The following SNF8 variants were observed in gnomAD, a reference collection of about 807,000 sequenced individuals.
The protein encoded by SNF8 is SNF8 subunit of ESCRT-II, also known as vacuolar-sorting protein SNF8.
In SNF8, 19 loss-of-function variants were observed where a neutral mutation model predicts 36.8. The ratio of observed to expected loss-of-function variants is 0.52; its 90% CI spans 0.36 to 0.76. The LOEUF is 0.76. SNF8 is among the 30% of genes least tolerant of loss of function. SNF8 has a pLI of 0.00. For missense variants in SNF8, 268 were observed against 322.9 expected, an observed-to-expected ratio of 0.83 and a Z score of 1.30; for synonymous variants, 127 against 127.4, an observed-to-expected ratio of 1.00 and a Z score of 0.02.
chr17:48,933,909 A>G (rs2143797670), intron 5 of SNF8, among the ~76,000 whole-genome samples: 2 of 152,362 alleles, frequency 1.3e-5, no homozygotes, highest in South Asian at 4.1e-4. Context: ...GATGCCCATC[A>G]GGAAATGTGA....
At chr17:48,940,776 CA>C (rs952687089) in intron 3 of SNF8, 147 bp downstream of exon 3, 4 of 955,442 alleles carry the variant, frequency 4.2e-6, no homozygotes, top group Admixed American at 4.7e-5. Context: ...GGCGACAGAG[CA>C]AAACTCCGTC....
intron 3 of SNF8, among the ~76,000 whole-genome samples, chr17:48,940,657 G>T (rs568365739): frequency 7.9e-5 from 12 of 152,188 alleles, no homozygotes; most frequent in Admixed American, 2.0e-4. Context: ...GGACGTGGTC[G>T]CGAGCACCTG....
At chr17:48,941,898 C>G (rs980978387) in intron 2 of SNF8, among the ~76,000 whole-genome samples, 17 of 152,080 alleles carry the variant, frequency 1.1e-4, no homozygotes, top group African/African-American at 4.1e-4. Context: ...ATCATGTGGG[C>G]CAGGCTGGTC....
rs769008499 is a variant in SNF8, at chr17:48,937,071, G to C, written c.298C>G (p.Leu100Val). The C allele has an allele frequency of 3.7e-6, 6 of 1,614,036 alleles. No homozygotes were observed. The Admixed American group carries it at 8.3e-5, about 22-fold the overall frequency. The change falls in exon 4 of 8, where the codon CTA (leucine) becomes GTA (valine). Residue 100 changes from leucine to valine, a missense_variant. Transcript: ENST00000502492. Reference protein sequence around the residue: ...MLGVGDFYYELGVQIIEVCLA... With the variant: ...MLGVGDFYYEVGVQIIEVCLA... ...CACACTTCGATAATTTGGACACCTAGTTCGTAATAGAAGTCCCCCACGCCC... is the reference window on the plus strand; with the variant it reads ...CACACTTCGATAATTTGGACACCTACTTCGTAATAGAAGTCCCCCACGCCC...
At chr17:48,940,615 C>T (rs1285125026) in intron 3 of SNF8, among the ~76,000 whole-genome samples, 1 of 151,948 alleles carries the variant, frequency 6.6e-6, no homozygotes, top group African/African-American at 2.4e-5. Context: ...ATGGTGAAAC[C>T]CCATCTCTAC....
rs567745754 is a variant in SNF8, at chr17:48,933,655, G to C, written c.423-309C>G. 18 of 295,522 alleles carry C rather than the reference G, an allele frequency of 6.1e-5. No individual in the cohort carries two copies. In the South Asian group the frequency reaches 7.0e-4, roughly 11 times the overall value. The allele number at this position is 295,522 out of a possible 1,614,324, so 18.3% of individuals were successfully genotyped here. The stretch of plus-strand genomic sequence containing the variant: ...AGGCTGAGGCAGGAGGATCACTTGA[G>C]CCCAGGAGTTCAAGGCTGCAGTGAG... On this transcript the variant is annotated intron_variant, in intron 5 of 7. Coordinates refer to ENST00000502492, the MANE Select transcript of SNF8 (RefSeq NM_007241.4).
Position 48,930,415 on chromosome 17 carries a change from A to G in SNF8, c.*60T>C. 9.2e-6 allele frequency: 13 copies of G among 1,412,710 alleles called. No homozygotes were observed. The highest frequency in any genetic ancestry group is 1.0e-5 in the Non-Finnish European group (11 of 1,072,122). 87.5% of individuals were successfully genotyped at this position (1,412,710 alleles called of 1,614,324 possible). A position where few individuals can be genotyped will look rare whatever the true frequency, so the allele number is the denominator to read the frequency against. On this transcript the variant is annotated 3_prime_UTR_variant, in exon 8 of 8. Coordinates refer to ENST00000502492, the MANE Select transcript of SNF8 (RefSeq NM_007241.4). ...ATTTTTTGTATAAACAAAATTGCCC[A>G]GGTTTATTTGCCACCTCCGCCTCCT...
At chr17:48,939,065 C>T (rs929537363) in intron 3 of SNF8, among the ~76,000 whole-genome samples, 34 of 150,154 alleles carry the variant, frequency 2.3e-4, no homozygotes, top group South Asian at 1.7e-3. Flanking sequence ...AAGACCAACC[C>T]GGCCAAGATG....
At chr17:48,931,955 T>C in intron 6 of SNF8, 1 of 374,644 alleles carries the variant, frequency 2.7e-6, no homozygotes, top group South Asian at 3.9e-5. Context: ...CGGCAGCTCA[T>C]GCCTGTAATC....
intron 3 of SNF8, among the ~76,000 whole-genome samples, chr17:48,939,474 T>TTG (rs2040988620): frequency 1.4e-5 from 2 of 146,292 alleles, no homozygotes; most frequent in Non-Finnish European, 1.5e-5. Flanking sequence ...TTTTTTTTTT[T>TTG]GGGGGGATGG....
chr17:48,930,617 A>AG lies in SNF8; in HGVS notation c.640-6dup, dbSNP rs762136952. 1.9e-6 allele frequency: 3 copies of AG among 1,612,564 alleles called. No homozygotes were observed. In the African/African-American group the frequency reaches 4.0e-5, roughly 21 times the overall value. On this transcript the variant is annotated splice_region_variant and splice_polypyrimidine_tract_variant and intron_variant, in intron 7 of 7. Transcript: ENST00000502492. ...CCCTTCCTTCAGCAGGTGTTCCTGG[A>AG]GGGAAAAGGGAAGAAGAGCAGTTTG... is the stretch of plus-strand genomic sequence containing the variant.
In SNF8 at chr17:48,937,114, T is replaced by A. The variant is rs2040946572; in HGVS notation, c.255A>T (p.Gly85=). The change falls in exon 4 of 8, where the codon GGA becomes GGT. Residue 85 remains glycine (G), a synonymous_variant. Coordinates refer to ENST00000502492, the MANE Select transcript of SNF8 (RefSeq NM_007241.4). ...CCACGCCCAGCATCTCAGACCAAAA[T>A]CCTTTTCCAGCTACAAGACAGAAAA... ...IGVDPLASGK[G]FWSEMLGVGD... 1 of 1,613,494 alleles carries A rather than the reference T, an allele frequency of 6.2e-7. No individual in the cohort carries two copies. The highest frequency in any genetic ancestry group is 1.3e-5 in the African/African-American group (1 of 74,888).
At position 48,930,548 on chromosome 17, in the gene SNF8, C is replaced by T. The variant is rs1198302321; in HGVS notation, c.704G>A (p.Trp235Ter). 1 of 1,613,478 alleles carries T rather than the reference C, an allele frequency of 6.2e-7. No individual in the cohort carries two copies. Among genetic ancestry groups the T allele is most frequent in the East Asian group, 2.2e-5 (1 of 44,888 alleles). Residue 235 changes from tryptophan (W) to a stop codon, truncating the protein, a stop_gained, in exon 8 of 8, where the codon TGG (tryptophan) becomes TAG (stop). Coordinates refer to ENST00000502492, the MANE Select transcript of SNF8 (RefSeq NM_007241.4). LOFTEE classifies it high-confidence loss of function. ...GAGGTCAGTGAAGAGAGCTGGCAGCCAGTAGTGGGCCTCCCCTGGGGCCTG... is the reference window on the plus strand; with the variant it reads ...GAGGTCAGTGAAGAGAGCTGGCAGCTAGTAGTGGGCCTCCCCTGGGGCCTG... ...DLQAPGEAHYWLPALFTDLYS... is the reference protein window; with the variant it reads ...DLQAPGEAHY
rs370622363 is a variant in SNF8 at position 48,944,686 on chromosome 17, C to T, written c.49G>A (p.Ala17Thr). The T allele has an allele frequency of 6.8e-6, 11 of 1,612,476 alleles. No homozygotes were observed. The highest frequency in any genetic ancestry group is 1.7e-5 in the Admixed American group (1 of 59,944). The change falls in exon 1 of 8, where the codon GCA becomes ACA. Residue 17 changes from alanine (A) to threonine (T), a missense_variant. Ala to Thr is a moderately conservative substitution (Grantham distance 58). Coordinates refer to ENST00000502492, the MANE Select transcript of SNF8 (RefSeq NM_007241.4). ...TCGGCCTTCTTCCTGCTCACCTCTG[C>T]AAGTTTCTTCTTGGCGATGGCGCCA... ...GAGAIAKKKLAEAKYKERGTV... is the reference protein window; with the variant it reads ...GAGAIAKKKLTEAKYKERGTV...
chr17:48,935,248 A>G (rs1164581950), intron 5 of SNF8, among the ~76,000 whole-genome samples: 6 of 151,952 alleles, frequency 3.9e-5, no homozygotes, highest in African/African-American at 1.2e-4. Context: ...GCGCGGTGGC[A>G]GACACCTGTA....
intron 4 of SNF8, chr17:48,936,683 G>C (rs1470838372): frequency 5.6e-6 from 2 of 354,494 alleles, no homozygotes; most frequent in African/African-American, 4.2e-5. Flanking sequence ...ACGTCGGAGA[G>C]ACAGTGCAGG....
chr17:48,933,393 TAAC>T (rs2040888583), intron 5 of SNF8, 47 bp from the exon 6 acceptor site: 3 of 1,608,998 alleles, frequency 1.9e-6, no homozygotes, highest in Admixed American at 1.7e-5. Context: ...GAATCAGACC[TAAC>T]AACACAGTTT....
chr17:48,938,589 G>A (rs971437896), intron 3 of SNF8, among the ~76,000 whole-genome samples: 5 of 151,794 alleles, frequency 3.3e-5, no homozygotes, highest in African/African-American at 1.2e-4. Flanking sequence ...TTGGGGCCAC[G>A]CCAGGAGCAG....
intron 3 of SNF8, among the ~76,000 whole-genome samples, chr17:48,939,244 A>AACATGAG (rs1215894711): frequency 6.6e-6 from 1 of 150,534 alleles, no homozygotes; most frequent in Non-Finnish European, 1.5e-5. Flanking sequence ...CAGCATGGGC[A>AACATGAG]ACAGAGTGAG....
Sources: gnomAD v4.1 joint callset for allele counts (sites outside exome capture counted in the v4.1 genomes callset) on GRCh38, gnomAD v4.1.1 for gene constraint, MANE v1.5 for transcripts, NCBI Gene and HGNC (gene_info 2026-07-23, HGNC 2026-07-21) for gene names.